Variants in SOX6 observed in about 807,000 individuals in gnomAD.
SOX6 encodes transcription factor SOX-6.
In SOX6, 11 loss-of-function variants were observed where a neutral mutation model predicts 97.8. The ratio of observed to expected loss-of-function variants is 0.11; its 90% CI spans 0.07 to 0.19. SOX6 has a LOEUF of 0.19. Ranked by LOEUF, SOX6 falls within the 10% of genes least tolerant of loss-of-function variation. The pLI, the probability that SOX6 is intolerant of heterozygous loss-of-function variation, is 1.00. For synonymous variants in SOX6, 360 were observed against 371.4 expected (o/e 0.97, Z 0.35); for missense variants, 810 against 1,039.5 (o/e 0.78, Z 3.04).
chr11:16,338,921 T>A (rs1368096962), intron 2 of SOX6, among the ~76,000 whole-genome samples: 1 of 151,950 alleles, frequency 6.6e-6, no homozygotes, highest in Non-Finnish European at 1.5e-5. Context: ...ACAAACAAAA[T>A]TTTTCTAGGA....
At chr11:16,217,528 A>G (rs1339589626) in intron 4 of SOX6, among the ~76,000 whole-genome samples, 1 of 152,202 alleles carries the variant, frequency 6.6e-6, no homozygotes, top group Non-Finnish European at 1.5e-5. Context: ...TTATGAGCCA[A>G]TATTAAAAAT....
intron 10 of SOX6, among the ~76,000 whole-genome samples, chr11:16,053,509 A>C (rs1414049123): frequency 1.3e-5 from 2 of 152,146 alleles, no homozygotes; most frequent in African/African-American, 4.8e-5. Context: ...TACTCACTAT[A>C]ATACTAGAGG....
At chr11:16,286,446 T>C (rs1854744989) in intron 3 of SOX6, among the ~76,000 whole-genome samples, 1 of 152,192 alleles carries the variant, frequency 6.6e-6, no homozygotes, top group Non-Finnish European at 1.5e-5. Flanking sequence ...ATATTACTAA[T>C]ATATAACTAA....
At chr11:16,244,786 A>G (rs898524407) in intron 3 of SOX6, among the ~76,000 whole-genome samples, 3 of 151,204 alleles carry the variant, frequency 2.0e-5, no homozygotes, top group Non-Finnish European at 4.4e-5. Flanking sequence ...GTGTTTGTAG[A>G]TCTATTTCTT....
At position 16,341,027 on chromosome 11, in the gene SOX6, T is replaced by A; in HGVS notation, c.222A>T (p.Ser74=). 2 of 1,613,376 alleles carry A rather than the reference T, an allele frequency of 1.2e-6. No individual in the cohort carries two copies. Among genetic ancestry groups the A allele is most frequent in the South Asian group, 1.1e-5 (1 of 91,078 alleles). ...QQDADWDSVL[S]SQQRMESENN... The stretch of plus-strand genomic sequence containing the variant: ...AAAGGCTCACCATTCTTTGCTGAGA[T>A]GACAGAACGCTGTCCCAGTCAGCAT... Residue 74 remains serine (S), a synonymous_variant, in exon 2 of 16, where the codon TCA becomes TCT. Transcript: ENST00000683767.
At chr11:16,265,290 A>G (rs1400464706) in intron 3 of SOX6, among the ~76,000 whole-genome samples, 1 of 151,934 alleles carries the variant, frequency 6.6e-6, no homozygotes, top group African/African-American at 2.4e-5. Context: ...GAATAGTCCT[A>G]TCTTCACTAG....
chr11:16,077,046 C>G (rs1167979882), intron 9 of SOX6, among the ~76,000 whole-genome samples: 1 of 152,022 alleles, frequency 6.6e-6, no homozygotes, highest in Non-Finnish European at 1.5e-5. Flanking sequence ...AGCCACCGCG[C>G]CCGGCCGGTA....
intron 1 of SOX6, among the ~76,000 whole-genome samples, chr11:16,473,654 C>CA (rs1860183721): frequency 6.6e-6 from 1 of 151,260 alleles, no homozygotes; most frequent in African/African-American, 2.4e-5. Flanking sequence ...TGGGTTCAAG[C>CA]AATTCTTCTG....
intron 4 of SOX6, among the ~76,000 whole-genome samples, chr11:16,490,459 CT>C (rs1860494205): frequency 6.6e-6 from 1 of 151,910 alleles, no homozygotes; most frequent in Non-Finnish European, 1.5e-5. Flanking sequence ...TTAATATATA[CT>C]ATGCCTTGAT....
intron 4 of SOX6, chr11:16,484,633 C>T: frequency 1.5e-6 from 1 of 656,814 alleles, no homozygotes; most frequent in Non-Finnish European, 2.8e-6. Flanking sequence ...CCAGGATGGA[C>T]ATCCTGGCAC....
chr11:16,074,445 A>G (rs1267943946), intron 9 of SOX6, among the ~76,000 whole-genome samples: 2 of 152,212 alleles, frequency 1.3e-5, no homozygotes, highest in Non-Finnish European at 2.9e-5. Context: ...TTGAATCAGT[A>G]ATAAAAAGCC....
chr11:15,988,979 C>T lies in SOX6; in HGVS notation c.1966+18G>A, dbSNP rs1853955667. The T allele has an allele frequency of 6.2e-7, 1 of 1,605,608 alleles. No individual in the cohort carries two copies. The highest frequency in any genetic ancestry group is 8.5e-7 in the Non-Finnish European group (1 of 1,172,322). ...TTGCAGGGGAGAAGATCAGCTTTAG[C>T]TGCACTGCTGCACTCACCTAAGATT... On this transcript the variant is annotated intron_variant, in intron 14 of 15. Coordinates refer to ENST00000683767, the MANE Select transcript of SOX6 (RefSeq NM_001367873.1).
chr11:16,682,617 C>G (rs890228282), intron 3 of SOX6, among the ~76,000 whole-genome samples: 16 of 152,116 alleles, frequency 1.1e-4, no homozygotes, highest in African/African-American at 3.1e-4. Flanking sequence ...TATGACAAAC[C>G]CACAGCCAAC....
Position 16,055,873 on chromosome 11 carries a change from A to ATGC in SOX6, c.1127_1129dup (p.Ser376dup), listed in dbSNP as rs1564929607. 1.9e-6 allele frequency: 3 copies of ATGC among 1,613,790 alleles called. No individual in the cohort carries two copies. Among genetic ancestry groups the ATGC allele is most frequent in the Admixed American group, 3.3e-5 (2 of 59,922 alleles). Reference sequence around the variant, plus strand: ...CATCTTTGCTCCAGGTGACACCTGCATGCTGGCCAGCTGAGCGGCATAGAG... The same window carrying ATGC: ...CATCTTTGCTCCAGGTGACACCTGCATGCTGCTGGCCAGCTGAGCGGCATAGAG... On this transcript the variant is annotated inframe_insertion, in exon 10 of 16. Transcript: ENST00000683767.
At chr11:16,094,381 C>T (rs1848751951) in intron 9 of SOX6, among the ~76,000 whole-genome samples, 1 of 151,676 alleles carries the variant, frequency 6.6e-6, no homozygotes, top group Non-Finnish European at 1.5e-5. Flanking sequence ...TGGGTAGAAA[C>T]CTGGCTAAGG....
At chr11:16,045,946 T>C (rs1007831183) in intron 12 of SOX6, among the ~76,000 whole-genome samples, 4 of 152,240 alleles carry the variant, frequency 2.6e-5, no homozygotes, top group Non-Finnish European at 4.4e-5. Context: ...ATATAAGCTC[T>C]AGGAAAGCAG....
chr11:16,183,065 T>A (rs1444313475), intron 6 of SOX6, among the ~76,000 whole-genome samples: 2 of 152,062 alleles, frequency 1.3e-5, no homozygotes, highest in South Asian at 2.1e-4. Context: ...AACTCTGTGA[T>A]CAGTGTTTCT....
At chr11:16,148,722 T>A (rs1460809870) in intron 6 of SOX6, among the ~76,000 whole-genome samples, 1 of 152,150 alleles carries the variant, frequency 6.6e-6, no homozygotes, top group African/African-American at 2.4e-5. Flanking sequence ...CTCTCCTTAC[T>A]TTTTTCCAGG....
intron 13 of SOX6, among the ~76,000 whole-genome samples, chr11:15,996,120 A>G (rs1288357671): frequency 6.6e-6 from 1 of 152,242 alleles, no homozygotes; most frequent in African/African-American, 2.4e-5. Context: ...AAGACAAGGA[A>G]CTATTTAATA....
Sources: gnomAD v4.1 joint callset for allele counts (sites outside exome capture counted in the v4.1 genomes callset) on GRCh38, gnomAD v4.1.1 for gene constraint, MANE v1.5 for transcripts, NCBI Gene and HGNC (gene_info 2026-07-23, HGNC 2026-07-21) for gene names.